NEGR1: variants seen among roughly 807,000 people sequenced by gnomAD.
The protein encoded by NEGR1 is neuronal growth regulator 1.
Under a neutral mutation model 40.9 loss-of-function variants are expected in NEGR1, and 10 were observed. The observed-to-expected ratio is 0.24, with a 90% CI of 0.15 to 0.42. NEGR1 has a LOEUF of 0.42. Ranked by LOEUF, NEGR1 falls within the 10% of genes least tolerant of loss-of-function variation. NEGR1 has a pLI of 1.00. For missense variants in NEGR1, 352 were observed against 438.9 expected (o/e 0.80, Z 1.77); for synonymous variants, 185 against 166.8 (o/e 1.11, Z -0.84).
intron 2 of NEGR1, among the ~76,000 whole-genome samples, chr1:71,917,587 G>C (rs988433723): frequency 9.2e-5 from 14 of 151,520 alleles, no homozygotes; most frequent in African/African-American, 2.9e-4. Flanking sequence ...TCAGCAAATC[G>C]AGACCACGGT....
intron 1 of NEGR1, among the ~76,000 whole-genome samples, chr1:72,014,830 A>G (rs959838749): frequency 1.3e-5 from 2 of 152,018 alleles, no homozygotes; most frequent in African/African-American, 4.8e-5. Flanking sequence ...CCACAAACAA[A>G]GATGGTCTTC....
intron 4 of NEGR1, among the ~76,000 whole-genome samples, chr1:71,616,601 T>C (rs1253190512): frequency 6.6e-6 from 1 of 152,132 alleles, no homozygotes; most frequent in African/African-American, 2.4e-5. Context: ...GGCAAATAAG[T>C]TGAGGTACTT....
intron 1 of NEGR1, among the ~76,000 whole-genome samples, chr1:71,982,423 A>C (rs1646361817): frequency 6.6e-6 from 1 of 152,180 alleles, no homozygotes; most frequent in Non-Finnish European, 1.5e-5. Flanking sequence ...ATGGTACAAT[A>C]CAGCCAGCCT....
chr1:71,724,429 A>G (rs1182560507), intron 3 of NEGR1, among the ~76,000 whole-genome samples: 1 of 152,154 alleles, frequency 6.6e-6, no homozygotes, highest in Admixed American at 6.5e-5. Flanking sequence ...GGTGCTTTTA[A>G]CACATGTCAG....
At chr1:72,251,553 C>A (rs1655089277) in intron 1 of NEGR1, among the ~76,000 whole-genome samples, 2 of 152,068 alleles carry the variant, frequency 1.3e-5, no homozygotes, top group South Asian at 4.1e-4. Context: ...TCGCATATAA[C>A]CTACCCTCAT....
intron 6 of NEGR1, among the ~76,000 whole-genome samples, chr1:71,508,051 G>T (rs901489060): frequency 9.9e-5 from 15 of 152,044 alleles, no homozygotes; most frequent in African/African-American, 3.1e-4. Context: ...TGGAAACCAA[G>T]AATCAATTTT....
At chr1:71,457,524 C>T (rs1646682051) in intron 6 of NEGR1, among the ~76,000 whole-genome samples, 1 of 152,144 alleles carries the variant, frequency 6.6e-6, no homozygotes, top group African/African-American at 2.4e-5. Context: ...AAAGAGGAAA[C>T]AAGAGAGACA....
At chr1:71,584,189 C>T (rs532172931) in intron 6 of NEGR1, among the ~76,000 whole-genome samples, 1 of 152,130 alleles carries the variant, frequency 6.6e-6, no homozygotes, top group Admixed American at 6.5e-5. Context: ...GAAAGGAAAC[C>T]CTGTCCACAC....
At chr1:71,463,643 T>G (rs1653549237) in intron 6 of NEGR1, 1 of 152,180 alleles carries the variant, frequency 6.6e-6, no homozygotes, top group African/African-American at 2.4e-5. Flanking sequence ...TAGAAGGTCA[T>G]AGTCAATTTT....
intron 2 of NEGR1, among the ~76,000 whole-genome samples, chr1:71,808,067 T>A (rs556362534): frequency 6.6e-6 from 1 of 152,290 alleles, no homozygotes; most frequent in African/African-American, 2.4e-5. Flanking sequence ...GAAAAGTTAT[T>A]GTTCCATAAT....
At chr1:71,947,583 C>T (rs748962483) in intron 1 of NEGR1, among the ~76,000 whole-genome samples, 6 of 152,110 alleles carry the variant, frequency 3.9e-5, no homozygotes, top group Non-Finnish European at 8.8e-5. Flanking sequence ...AATTTAGCAA[C>T]CTCTAGATAT....
intron 2 of NEGR1, among the ~76,000 whole-genome samples, chr1:71,920,530 C>T (rs1003877951): frequency 6.6e-6 from 1 of 152,110 alleles, no homozygotes; most frequent in African/African-American, 2.4e-5. Context: ...TGTCCTAGCC[C>T]CTACCTAACT....
intron 1 of NEGR1, among the ~76,000 whole-genome samples, chr1:72,185,000 T>C (rs558193923): frequency 6.6e-6 from 1 of 152,070 alleles, no homozygotes; most frequent in African/African-American, 2.4e-5. Flanking sequence ...AAAAACTCTA[T>C]AAACCTCAAA....
chr1:72,188,996 T>C (rs1652715788), intron 1 of NEGR1, among the ~76,000 whole-genome samples: 1 of 151,514 alleles, frequency 6.6e-6, no homozygotes, highest in African/African-American at 2.4e-5. Context: ...TTTCTTATCA[T>C]CTAATGTGAA....
intron 1 of NEGR1, among the ~76,000 whole-genome samples, chr1:72,088,796 CTTTTTTTTTTTTTTTT>C (rs71074816): frequency 1.3e-5 from 1 of 74,906 alleles, no homozygotes; most frequent in South Asian, 6.5e-4. Context: ...CTCTCTCTCT[CTTTTTTTTTTTTTTTT>C]TTTTTTTTTT....
chr1:71,444,229 A>G (rs920702865), intron 6 of NEGR1, among the ~76,000 whole-genome samples: 1 of 152,150 alleles, frequency 6.6e-6, no homozygotes, highest in African/African-American at 2.4e-5. Flanking sequence ...ATGACCAGAA[A>G]ATATTTTTAA....
At chr1:71,706,080 T>G (rs1028689047) in intron 3 of NEGR1, among the ~76,000 whole-genome samples, 1 of 152,206 alleles carries the variant, frequency 6.6e-6, no homozygotes, top group Admixed American at 6.5e-5. Context: ...GAAGAGATTT[T>G]TAAAATAACA....
At chr1:72,267,864 G>A (rs1655700386) in intron 1 of NEGR1, among the ~76,000 whole-genome samples, 1 of 151,160 alleles carries the variant, frequency 6.6e-6, no homozygotes, top group Admixed American at 6.6e-5. Flanking sequence ...CAGAAGAAAT[G>A]ATGAAGAAAA....
intron 2 of NEGR1, among the ~76,000 whole-genome samples, chr1:71,796,828 A>G (rs1657345849): frequency 6.6e-6 from 1 of 152,132 alleles, no homozygotes; most frequent in Non-Finnish European, 1.5e-5. Context: ...AGGGGACACA[A>G]ATTCACTTCC....
Sources: allele counts gnomAD v4.1 joint callset (sites outside exome capture counted in the v4.1 genomes callset), GRCh38; gene constraint gnomAD v4.1.1; transcripts MANE v1.5; gene names NCBI Gene and HGNC (gene_info 2026-07-23, HGNC 2026-07-21).